The following SAMD5 variants were observed in gnomAD, a reference collection of about 807,000 sequenced individuals.
SAMD5 encodes the protein sterile alpha motif domain containing 5, also known as sterile alpha motif domain-containing protein 5.
A neutral mutation model predicts 11.3 loss-of-function variants in SAMD5; 13 were observed. The ratio of observed to expected loss-of-function variants is 1.15; its 90% CI spans 0.75 to 1.83. The LOEUF (loss-of-function observed/expected upper bound fraction) is 1.83, where lower values mean the gene tolerates loss of function less well. Ranked by LOEUF, SAMD5 falls within the 40% of genes most tolerant of loss-of-function variation. SAMD5 has a pLI of 0.00. For synonymous variants in SAMD5, 129 were observed against 111.3 expected (o/e 1.16, Z -1.00); for missense variants, 255 against 239.1 (o/e 1.07, Z -0.44).
intron 1 of SAMD5, among the ~76,000 whole-genome samples, chr6:147,662,552 A>G (rs1466919298): frequency 6.6e-6 from 1 of 152,250 alleles, no homozygotes; most frequent in Non-Finnish European, 1.5e-5. Flanking sequence ...GGAATTGTGC[A>G]GTAAATTGTT....
chr6:147,948,594 A>C, the SAMD5 span, among the ~76,000 whole-genome samples: 1 of 152,170 alleles, frequency 6.6e-6, no homozygotes, highest in African/African-American at 2.4e-5. Flanking sequence ...ATCATCCCCC[A>C]AAATTTTGCC....
chr6:147,546,451 A>C (rs1435718835), intron 1 of SAMD5, among the ~76,000 whole-genome samples: 1 of 146,920 alleles, frequency 6.8e-6, no homozygotes, highest in African/African-American at 2.5e-5. Flanking sequence ...AATCTCTTGA[A>C]CCCAGGAGGT....
At chr6:147,832,899 A>G in the SAMD5 span, among the ~76,000 whole-genome samples, 3 of 152,360 alleles carry the variant, frequency 2.0e-5, no homozygotes, top group East Asian at 5.8e-4. Context: ...ACTAAGCTCA[A>G]CTTGTCTGAT....
At position 147,606,546 on chromosome 6, in the gene SAMD5, T is replaced by C. The variant is rs1381836824; in HGVS notation, c.162+97159T>C. ...TTTGCTTTTTATTTTTATTTATTTA[T>C]TATTATCTAAAAAATGACAGCTAAC... On this transcript the variant is annotated intron_variant, in intron 1 of 1. Transcript: ENST00000566741. 2.3e-5 allele frequency among the ~76,000 whole-genome samples: 3 copies of C among 132,984 alleles called. No homozygotes were observed. In the East Asian group the frequency reaches 6.5e-4, roughly 29 times the overall value. 87.2% of individuals were successfully genotyped at this position (132,984 alleles called of 152,430 possible).
At chr6:147,657,452 T>TGA (rs1269986727) in intron 1 of SAMD5, among the ~76,000 whole-genome samples, 1 of 151,844 alleles carries the variant, frequency 6.6e-6, no homozygotes, top group African/African-American at 2.4e-5. Context: ...AGGACAAACA[T>TGA]GAGAGAGAGC....
the SAMD5 span, among the ~76,000 whole-genome samples, chr6:147,879,044 G>A: frequency 5.9e-5 from 9 of 152,164 alleles, no homozygotes; most frequent in Non-Finnish European, 1.2e-4. Context: ...GGAAGGACTT[G>A]GATATTGAAT....
chr6:147,767,565 A>G, the SAMD5 span, among the ~76,000 whole-genome samples: 1 of 122,958 alleles, frequency 8.1e-6, no homozygotes, highest in South Asian at 2.4e-4. Flanking sequence ...CGGGGTGGGG[A>G]TCTTATGATG....
At chr6:147,823,264 A>T in the SAMD5 span, among the ~76,000 whole-genome samples, 1 of 152,148 alleles carries the variant, frequency 6.6e-6, no homozygotes, top group African/African-American at 2.4e-5. Flanking sequence ...AAAATACTAC[A>T]AGTATTTGCC....
chr6:147,572,318 G>A (rs752215144), downstream of SAMD5, among the ~76,000 whole-genome samples: 18 of 152,088 alleles, frequency 1.2e-4, no homozygotes, highest in Admixed American at 1.2e-3. Flanking sequence ...ACTTTATGGT[G>A]TGATTTTGTT....
chr6:147,592,099 A>T (rs1461132915), intron 1 of SAMD5, among the ~76,000 whole-genome samples: 1 of 152,094 alleles, frequency 6.6e-6, no homozygotes, highest in Non-Finnish European at 1.5e-5. Flanking sequence ...GCGATCCTCC[A>T]GCCTCAGCTT....
intron 1 of SAMD5, among the ~76,000 whole-genome samples, chr6:147,607,649 A>G (rs1031886941): frequency 1.3e-5 from 2 of 152,208 alleles, no homozygotes; most frequent in African/African-American, 4.8e-5. Flanking sequence ...ATCAAAACAG[A>G]TTAAATACTT....
intron 1 of SAMD5, among the ~76,000 whole-genome samples, chr6:147,588,730 T>G (rs1331525544): frequency 6.6e-6 from 1 of 152,126 alleles, no homozygotes; most frequent in East Asian, 1.9e-4. Flanking sequence ...ACTATAACAG[T>G]TTGCTTATCA....
chr6:147,894,115 C>T, the SAMD5 span, among the ~76,000 whole-genome samples: 3 of 144,248 alleles, frequency 2.1e-5, no homozygotes, highest in Non-Finnish European at 3.0e-5. Flanking sequence ...TTGTTTGTTT[C>T]TTTGTTTTGT....
intron 1 of SAMD5, among the ~76,000 whole-genome samples, chr6:147,522,870 G>T (rs527651549): frequency 6.6e-6 from 1 of 152,158 alleles, no homozygotes; most frequent in South Asian, 2.1e-4. Flanking sequence ...GTGGGTAAAG[G>T]TTTCCTTTTC....
At chr6:147,799,866 C>T in the SAMD5 span, among the ~76,000 whole-genome samples, 1 of 152,240 alleles carries the variant, frequency 6.6e-6, no homozygotes, top group African/African-American at 2.4e-5. Context: ...CACATCGGCT[C>T]CTGAGGCTTC....
intron 1 of SAMD5, among the ~76,000 whole-genome samples, chr6:147,704,375 A>G (rs1428202253): frequency 2.0e-5 from 3 of 152,158 alleles, no homozygotes; most frequent in Non-Finnish European, 4.4e-5. Flanking sequence ...TATTAGGCAC[A>G]ACTCTATTAA....
chr6:147,820,050 C>T, the SAMD5 span, among the ~76,000 whole-genome samples: 6 of 152,022 alleles, frequency 3.9e-5, no homozygotes, highest in Non-Finnish European at 7.4e-5. Flanking sequence ...TATGGGAGGT[C>T]GGGTGTGGGG....
chr6:147,800,119 C>T, the SAMD5 span, among the ~76,000 whole-genome samples: 2 of 152,362 alleles, frequency 1.3e-5, no homozygotes, highest in Admixed American at 1.3e-4. Flanking sequence ...TGAGGAACTG[C>T]ATTCCTTTGG....
intron 1 of SAMD5, among the ~76,000 whole-genome samples, chr6:147,621,821 C>T (rs1314471230): frequency 3.3e-5 from 5 of 152,144 alleles, no homozygotes; most frequent in African/African-American, 1.2e-4. Context: ...GACAAACCAG[C>T]TAGAGTTCTG....
Sources: gnomAD v4.1 joint callset for allele counts (sites outside exome capture counted in the v4.1 genomes callset) on GRCh38, gnomAD v4.1.1 for gene constraint, MANE v1.5 for transcripts, NCBI Gene and HGNC (gene_info 2026-07-23, HGNC 2026-07-21) for gene names.